HDAC7: variants seen among roughly 807,000 people sequenced by gnomAD.
HDAC7 encodes histone deacetylase 7A.
In HDAC7, 26 loss-of-function variants were observed where a neutral mutation model predicts 115.5. The ratio of observed to expected loss-of-function variants is 0.23; its 90% CI spans 0.16 to 0.31. HDAC7 has a LOEUF of 0.31. Among genes scored for constraint, HDAC7 ranks in the 10% least tolerant of loss-of-function variants. The pLI is 1.00. For missense variants in HDAC7, 1,068 were observed against 1,329.0 expected, an observed-to-expected ratio of 0.80 and a Z score of 3.05; for synonymous variants, 564 against 550.9, an observed-to-expected ratio of 1.02 and a Z score of -0.33.
chr12:47,787,764 C>T lies in HDAC7; in HGVS notation c.2401G>A (p.Ala801Thr). ...CCCATGGGGGGGTCCAGACCTCCAG[C>T]CCAGGCCACATTGACATTGAAGCCC... Reference protein sequence around the residue: ...GEGFNVNVAWAGGLDPPMGDP... With the variant: ...GEGFNVNVAWTGGLDPPMGDP... Residue 801 changes from alanine to threonine, a missense_variant, in exon 21 of 26, where the codon GCT becomes ACT. By Grantham distance (58) the Ala-to-Thr change is moderately conservative (BLOSUM62 0). Coordinates refer to ENST00000080059, the MANE Select transcript of HDAC7 (RefSeq NM_015401.5). 6.2e-7 allele frequency: 1 copy of T among 1,613,148 alleles called. No individual in the cohort carries two copies. Among genetic ancestry groups the T allele is most frequent in the Non-Finnish European group, 8.5e-7 (1 of 1,179,724 alleles).
chr12:47,792,987 A>C, intron 13 of HDAC7: 1 of 270,702 alleles, frequency 3.7e-6, no homozygotes, highest in Non-Finnish European at 7.2e-6. Flanking sequence ...CTGGTTGGTG[A>C]TTTTTCTTTT....
intron 20 of HDAC7, 93 bp downstream of exon 20, chr12:47,787,952 G>T: frequency 6.3e-7 from 1 of 1,578,432 alleles, no homozygotes; most frequent in Admixed American, 1.7e-5. Flanking sequence ...TCAGCAGTCT[G>T]CCCAGGATCA....
chr12:47,784,568 T>C, intron 24 of HDAC7: 1 of 693,156 alleles, frequency 1.4e-6, no homozygotes, highest in Non-Finnish European at 2.4e-6. Flanking sequence ...AGGGTCTGTG[T>C]CACAGTGACC....
chr12:47,805,429 C>A (rs1944358941), intron 1 of HDAC7, among the ~76,000 whole-genome samples: 1 of 152,132 alleles, frequency 6.6e-6, no homozygotes, highest in Non-Finnish European at 1.5e-5. Flanking sequence ...GCCCCAGCAG[C>A]AAGAGGAAAG....
chr12:47,814,020 GAA>G (rs1944776809), intron 1 of HDAC7, among the ~76,000 whole-genome samples: 1 of 152,228 alleles, frequency 6.6e-6, no homozygotes, highest in South Asian at 2.1e-4. Flanking sequence ...TGAGAGGGGT[GAA>G]GCGTAGAGCT....
At chr12:47,792,511 T>C in intron 13 of HDAC7, 5 of 385,704 alleles carry the variant, frequency 1.3e-5, no homozygotes, top group South Asian at 9.2e-5. Context: ...AAATCCAGCT[T>C]TGGAGAAGTG....
chr12:47,791,807 C>T, intron 14 of HDAC7, 64 bp downstream of exon 14: 1 of 1,532,682 alleles, frequency 6.5e-7, no homozygotes, highest in Non-Finnish European at 8.9e-7. Context: ...CAGGGCCCCC[C>T]ACCCCTCCCC....
intron 1 of HDAC7, among the ~76,000 whole-genome samples, chr12:47,818,188 C>A (rs7959281): frequency 2.6e-5 from 4 of 152,022 alleles, no homozygotes; most frequent in African/African-American, 4.8e-5. Context: ...AGACACCCGC[C>A]GAATAAGGGA....
rs951175636 is a variant in HDAC7 at position 47,798,807 on chromosome 12, T to C, written c.236A>G (p.Gln79Arg). The change falls in exon 3 of 26, where the codon CAG becomes CGG. Residue 79 changes from glutamine to arginine, a missense_variant. By Grantham distance (43) the Gln-to-Arg change is conservative. Transcript: ENST00000080059. The surrounding 1 kb of genome is among the most constrained non-coding windows in gnomAD (Gnocchi z 4.3). ...HHLFLAGLQQ[Q>R]RSVEPMRLSM... ...TACCCTCATGGGCTCCACCGAGCGC[T>C]GCTGCTGCAGGCCTGCTAGGAAGAG... 1.9e-6 allele frequency: 3 copies of C among 1,558,136 alleles called. No homozygotes were observed. Among genetic ancestry groups the C allele is most frequent in the Non-Finnish European group, 2.6e-6 (3 of 1,150,530 alleles).
intron 22 of HDAC7, 95 bp from the exon 23 acceptor site, chr12:47,785,980 A>G (rs1943153946): frequency 6.5e-6 from 8 of 1,232,646 alleles, no homozygotes; most frequent in African/African-American, 1.5e-5. Flanking sequence ...CCTCCCTAAT[A>G]AAGAATGACT....
At chr12:47,815,893 A>ATTTTT (rs34394540) in intron 1 of HDAC7, among the ~76,000 whole-genome samples, 1 of 118,276 alleles carries the variant, frequency 8.5e-6, no homozygotes, top group South Asian at 2.8e-4. Context: ...TCCAGCCAGG[A>ATTTTT]TTTTTTTTTT....
At chr12:47,806,092 T>G (rs1413640910) in intron 1 of HDAC7, among the ~76,000 whole-genome samples, 1 of 152,272 alleles carries the variant, frequency 6.6e-6, no homozygotes, top group Non-Finnish European at 1.5e-5. Context: ...CAGCTTCTTG[T>G]GTCTCCCTTC....
At position 47,789,876 on chromosome 12, in the gene HDAC7, T is replaced by C; in HGVS notation, c.2028A>G (p.Ala676=). The change falls in exon 17 of 26, where the codon GCA becomes GCG. Residue 676 remains alanine, a synonymous_variant. Coordinates refer to ENST00000080059, the MANE Select transcript of HDAC7 (RefSeq NM_015401.5). ...TGACACTGCCAGCGGCCCAGCGGGCTGCATTGGAGGAATGAAGCTCATTCC... is the reference window on the plus strand; with the variant it reads ...TGACACTGCCAGCGGCCCAGCGGGCCGCATTGGAGGAATGAAGCTCATTCC... ...TIWNELHSSN[A]ARWAAGSVTD... The C allele has an allele frequency of 6.2e-7, 1 of 1,613,888 alleles. No individual in the cohort carries two copies. The highest frequency in any genetic ancestry group is 8.5e-7 in the Non-Finnish European group (1 of 1,180,002).
chr12:47,784,478 G>A lies in HDAC7; in HGVS notation c.2792-261C>T, dbSNP rs1441502881. The A allele has an allele frequency of 1.3e-5, 8 of 600,430 alleles. No individual in the cohort carries two copies. The East Asian group carries it at 1.7e-4, about 13-fold the overall frequency. The allele number at this position is 600,430 out of a possible 1,614,324, so 37.2% of individuals were successfully genotyped here. ...GCCCAGCCTTTCTCTCATCCCCTGT[G>A]GCTGCAAGGCCACCTTTGACTCATT... On this transcript the variant is annotated intron_variant, in intron 24 of 25. Transcript: ENST00000080059.
chr12:47,784,273 C>T (rs989853495), intron 24 of HDAC7, 56 bp from the exon 25 acceptor site: 4 of 1,522,234 alleles, frequency 2.6e-6, no homozygotes, highest in Non-Finnish European at 3.5e-6. Context: ...CTCCACACTG[C>T]GTCCTAGACC....
intron 12 of HDAC7, 80 bp downstream of exon 12, chr12:47,794,680 C>A: frequency 7.2e-7 from 1 of 1,391,168 alleles, no homozygotes; most frequent in Non-Finnish European, 9.6e-7. Flanking sequence ...GATGTCGTAT[C>A]TCCCTCCCTT....
chr12:47,784,858 A>G, intron 24 of HDAC7: 1 of 1,283,680 alleles, frequency 7.8e-7, no homozygotes, highest in Non-Finnish European at 1.1e-6. Context: ...CGGCTCCCCT[A>G]CCCAGCCCTT....
chr12:47,792,084 C>T (rs1056140348), intron 13 of HDAC7, 80 bp from the exon 14 acceptor site: 10 of 1,475,882 alleles, frequency 6.8e-6, no homozygotes, highest in African/African-American at 2.8e-5. Flanking sequence ...ACGCCAGCAC[C>T]GCCACAGCAG....
intron 1 of HDAC7, among the ~76,000 whole-genome samples, chr12:47,806,422 A>T (rs896540089): frequency 1.3e-5 from 2 of 152,242 alleles, no homozygotes; most frequent in Non-Finnish European, 2.9e-5. Context: ...CACGCCTATA[A>T]TCCCAGAACT....
Sources: allele counts gnomAD v4.1 joint callset (sites outside exome capture counted in the v4.1 genomes callset), GRCh38; gene constraint gnomAD v4.1.1; non-coding constraint Gnocchi (gnomAD v3.1); transcripts MANE v1.5; gene names NCBI Gene and HGNC (gene_info 2026-07-23, HGNC 2026-07-21).